SPARCL1: variants seen among roughly 807,000 people sequenced by gnomAD.
SPARCL1 encodes the protein SPARC-like protein 1.
Under a neutral mutation model 67.1 loss-of-function variants are expected in SPARCL1, and 52 were observed. The observed-to-expected ratio is 0.78, with a 90% CI of 0.62 to 0.98. The LOEUF is 0.98. SPARCL1 is among the 50% of genes least tolerant of loss of function. The pLI is 0.00. For synonymous variants in SPARCL1, 226 were observed against 267.8 expected, an observed-to-expected ratio of 0.84 and a Z score of 1.52; for missense variants, 717 against 782.4, an observed-to-expected ratio of 0.92 and a Z score of 1.00.
intron 4 of SPARCL1, among the ~76,000 whole-genome samples, chr4:87,492,659 T>C (rs918342523): frequency 1.3e-5 from 2 of 152,196 alleles, no homozygotes; most frequent in African/African-American, 4.8e-5. Context: ...CTGAATTTGT[T>C]GGTAAAGCTT....
chr4:87,497,875 C>T (rs921972272), intron 2 of SPARCL1, among the ~76,000 whole-genome samples: 11 of 152,214 alleles, frequency 7.2e-5, no homozygotes, highest in Non-Finnish European at 1.3e-4. Flanking sequence ...CCTCCTGTGC[C>T]TCCCAAGTAG....
intron 1 of SPARCL1, among the ~76,000 whole-genome samples, chr4:87,515,046 A>G (rs1307834679): frequency 6.6e-6 from 1 of 152,246 alleles, no homozygotes; most frequent in Non-Finnish European, 1.5e-5. Flanking sequence ...CAGATGAAAA[A>G]TGCAAAAATG....
rs552144509 is a variant in SPARCL1, at chr4:87,490,744, T to C, written c.1410+16A>G. On this transcript the variant is annotated intron_variant, in intron 6 of 10. Transcript: ENST00000282470. Reference sequence around the variant, plus strand: ...CCTTTTGGAGCCACTTAAAGACTATTTTGCAGAATACTTACTTGATCAAGG... The same window carrying C: ...CCTTTTGGAGCCACTTAAAGACTATCTTGCAGAATACTTACTTGATCAAGG... The C allele has an allele frequency of 1.3e-6, 2 of 1,493,002 alleles. No homozygotes were observed. Among genetic ancestry groups the C allele is most frequent in the Non-Finnish European group, 1.8e-6 (2 of 1,088,974 alleles). 92.5% of individuals were successfully genotyped at this position (1,493,002 alleles called of 1,614,324 possible). A position where few individuals can be genotyped will look rare whatever the true frequency, so the allele number is the denominator to read the frequency against.
intron 1 of SPARCL1, among the ~76,000 whole-genome samples, chr4:87,522,476 A>G (rs892579577): frequency 6.6e-6 from 1 of 151,896 alleles, no homozygotes; most frequent in Non-Finnish European, 1.5e-5. Context: ...AGGGAGTATT[A>G]TGGAGATTTA....
At chr4:87,526,123 T>C (rs1167754437) in intron 1 of SPARCL1, among the ~76,000 whole-genome samples, 1 of 152,114 alleles carries the variant, frequency 6.6e-6, no homozygotes, top group East Asian at 1.9e-4. Flanking sequence ...AAGCAGCATT[T>C]CTTCTCACTC....
At chr4:87,474,293 A>G (rs1416633668) in intron 10 of SPARCL1, among the ~76,000 whole-genome samples, 1 of 152,202 alleles carries the variant, frequency 6.6e-6, no homozygotes, top group Non-Finnish European at 1.5e-5. Flanking sequence ...CCTTACCAAC[A>G]TGGCCCACCC....
chr4:87,524,507 A>G (rs999217374), intron 1 of SPARCL1, among the ~76,000 whole-genome samples: 4 of 152,244 alleles, frequency 2.6e-5, no homozygotes, highest in Admixed American at 1.3e-4. Flanking sequence ...AAAAAAGTAT[A>G]AAAGAATGGA....
chr4:87,474,923 T>C (rs963520275), intron 10 of SPARCL1, among the ~76,000 whole-genome samples: 1 of 151,714 alleles, frequency 6.6e-6, no homozygotes, highest in Admixed American at 6.6e-5. Flanking sequence ...TTTGTATTTT[T>C]AGTAGAGACG....
chr4:87,477,105 C>T (rs977680988), intron 10 of SPARCL1, among the ~76,000 whole-genome samples: 5 of 152,198 alleles, frequency 3.3e-5, no homozygotes, highest in African/African-American at 1.2e-4. Context: ...ATTTTAAGCC[C>T]TTCCTGCTCC....
At chr4:87,523,806 C>T (rs2110268927) in intron 1 of SPARCL1, among the ~76,000 whole-genome samples, 1 of 152,050 alleles carries the variant, frequency 6.6e-6, no homozygotes, top group Admixed American at 6.6e-5. Flanking sequence ...AATATATTAC[C>T]CATTTGTACA....
chr4:87,480,469 T>C lies in SPARCL1; in HGVS notation c.1720A>G (p.Ile574Val). Residue 574 changes from isoleucine to valine, a missense_variant, in exon 9 of 11, where the codon ATT becomes GTT. Transcript: ENST00000282470. ...EKRLLAGDHP[I>V]DLLLRDFKKN... ...TTAAAGTCCCTTAAGAGAAGATCAA[T>C]GGGATGGTCCCCAGCCAAAAGCCTC... The C allele has an allele frequency of 6.2e-7, 1 of 1,613,096 alleles. No homozygotes were observed. Among genetic ancestry groups the C allele is most frequent in the Non-Finnish European group, 8.5e-7 (1 of 1,179,556 alleles).
At chr4:87,478,735 G>GC (rs1323850330) in intron 10 of SPARCL1, among the ~76,000 whole-genome samples, 3 of 152,146 alleles carry the variant, frequency 2.0e-5, no homozygotes, top group African/African-American at 7.2e-5. Context: ...ACCGTGCCCA[G>GC]CCTTTCATAT....
intron 1 of SPARCL1, among the ~76,000 whole-genome samples, chr4:87,515,509 T>C (rs1397856448): frequency 1.3e-5 from 2 of 152,238 alleles, no homozygotes; most frequent in African/African-American, 4.8e-5. Flanking sequence ...AGGTTATTTC[T>C]TTCTTTTCTT....
In SPARCL1 at chr4:87,480,362, G is replaced by C. The variant is rs779200052; in HGVS notation, c.1817+10C>G. On this transcript the variant is annotated intron_variant, in intron 9 of 10. Coordinates refer to ENST00000282470, the MANE Select transcript of SPARCL1 (RefSeq NM_004684.6). ...ATAAATCTAGAAATGGAAAGGTAAA[G>C]AGTTCTTACCTATCCATAGGGTGTT... The C allele has an allele frequency of 6.4e-7, 1 of 1,553,498 alleles. No individual in the cohort carries two copies. The highest frequency in any genetic ancestry group is 1.3e-5 in the South Asian group (1 of 77,592).
At position 87,474,686 on chromosome 4, in the gene SPARCL1, G is replaced by A. The variant is rs553872537; in HGVS notation, c.1967-883C>T. ...AGCATTTAAATATGTTTCATATTTA[G>A]CCTCTAGAACAGTGCCTGCATTTAT... On this transcript the variant is annotated intron_variant, in intron 10 of 10. Coordinates refer to ENST00000282470, the MANE Select transcript of SPARCL1 (RefSeq NM_004684.6). Among the ~76,000 whole-genome samples the A allele has an allele frequency of 3.1e-4, 46 of 149,816 alleles. No individual in the cohort carries two copies. In the South Asian group the frequency reaches 9.3e-3, roughly 30 times the overall value.
At chr4:87,503,682 C>T (rs1036379634) in intron 1 of SPARCL1, among the ~76,000 whole-genome samples, 38 of 132,210 alleles carry the variant, frequency 2.9e-4, no homozygotes, top group South Asian at 6.9e-4. Flanking sequence ...TTTTTTTTTT[C>T]CTTTTTTTTT....
At chr4:87,475,663 T>C (rs1022533734) in intron 10 of SPARCL1, among the ~76,000 whole-genome samples, 66 of 152,180 alleles carry the variant, frequency 4.3e-4, no homozygotes, top group Non-Finnish European at 5.6e-4. Flanking sequence ...ATCAGGAAAA[T>C]TTAAATCAAA....
At position 87,522,108 on chromosome 4, in the gene SPARCL1, A is replaced by G. The variant is rs115973380; in HGVS notation, c.-12+6937T>C. Among the ~76,000 whole-genome samples, 1,277 of 152,316 alleles carry G rather than the reference A, an allele frequency of 8.4e-3. 14 individuals carry two copies. Among genetic ancestry groups the G allele is most frequent in the African/African-American group, 0.029 (1,213 of 41,568 alleles). ...AACACTGATGCTTTAGAGCTTTTAAAGTATTAATGAGTCTCTGGGGAGAGC... is the reference window on the plus strand; with the variant it reads ...AACACTGATGCTTTAGAGCTTTTAAGGTATTAATGAGTCTCTGGGGAGAGC... On this transcript the variant is annotated intron_variant, in intron 1 of 10. Coordinates refer to ENST00000282470, the MANE Select transcript of SPARCL1 (RefSeq NM_004684.6).
At chr4:87,519,341 G>A (rs1725711550) in intron 1 of SPARCL1, among the ~76,000 whole-genome samples, 1 of 152,176 alleles carries the variant, frequency 6.6e-6, no homozygotes, top group East Asian at 1.9e-4. Context: ...CAAAGTGCTG[G>A]GATTACAGGC....
Sources: gnomAD v4.1 joint callset for allele counts (sites outside exome capture counted in the v4.1 genomes callset) on GRCh38, gnomAD v4.1.1 for gene constraint, MANE v1.5 for transcripts, NCBI Gene and HGNC (gene_info 2026-07-23, HGNC 2026-07-21) for gene names.